Variants in ATXN7L1 observed in about 807,000 individuals in gnomAD.
The protein encoded by ATXN7L1 is ataxin 7 like 1, also known as ataxin-7-like protein 1.
ATXN7L1 carries 15 observed loss-of-function variants against 70.8 expected under a neutral mutation model. That is an observed-to-expected ratio of 0.21 (90% CI 0.14 to 0.33). The LOEUF is 0.33. ATXN7L1 is among the 10% of genes least tolerant of loss of function. The probability of loss-of-function intolerance (pLI) is 1.00; values close to 1 mark genes in which losing one functional copy is unlikely to be tolerated. For missense variants in ATXN7L1, 975 were observed against 1,097.1 expected, an observed-to-expected ratio of 0.89 and a Z score of 1.57; for synonymous variants, 440 against 445.1, an observed-to-expected ratio of 0.99 and a Z score of 0.14.
chr7:105,837,383 C>T (rs1208852006), intron 2 of ATXN7L1, among the ~76,000 whole-genome samples: 1 of 151,744 alleles, frequency 6.6e-6, no homozygotes, highest in African/African-American at 2.4e-5. Context: ...AAACAAGAAA[C>T]CAAACTACCC....
intron 2 of ATXN7L1, among the ~76,000 whole-genome samples, chr7:105,835,766 T>C (rs1812286856): frequency 2.0e-5 from 3 of 152,204 alleles, no homozygotes; most frequent in Non-Finnish European, 4.4e-5. Context: ...TCCCATTTTC[T>C]TAAAGGATAG....
intron 2 of ATXN7L1, among the ~76,000 whole-genome samples, chr7:105,794,050 CTGA>C (rs1805648088): frequency 6.7e-6 from 1 of 149,900 alleles, no homozygotes; most frequent in Non-Finnish European, 1.5e-5. Flanking sequence ...GGTGTACACG[CTGA>C]TATTTTCTGT....
At chr7:105,826,559 G>A (rs562247439) in intron 2 of ATXN7L1, among the ~76,000 whole-genome samples, 1 of 152,262 alleles carries the variant, frequency 6.6e-6, no homozygotes, top group East Asian at 1.9e-4. Flanking sequence ...GGAAAAATGT[G>A]CAATAAGGGA....
At chr7:105,631,588 T>G (rs1796604894) in intron 7 of ATXN7L1, among the ~76,000 whole-genome samples, 1 of 152,224 alleles carries the variant, frequency 6.6e-6, no homozygotes, top group South Asian at 2.1e-4. Context: ...TGCCTCAGCC[T>G]ACTGAGTAGC....
intron 7 of ATXN7L1, among the ~76,000 whole-genome samples, chr7:105,635,822 T>A (rs1797267572): frequency 6.6e-6 from 1 of 150,828 alleles, no homozygotes; most frequent in East Asian, 1.9e-4. Context: ...GGGATGACAA[T>A]AAATTCCATT....
intron 3 of ATXN7L1, among the ~76,000 whole-genome samples, chr7:105,734,284 G>T (rs1287208624): frequency 6.6e-6 from 1 of 152,154 alleles, no homozygotes; most frequent in Non-Finnish European, 1.5e-5. Context: ...GGGATTCTCA[G>T]TCAGTAAATG....
chr7:105,627,973 T>G (rs1219203364), intron 7 of ATXN7L1, among the ~76,000 whole-genome samples: 1 of 149,576 alleles, frequency 6.7e-6, no homozygotes. Context: ...GCCTCCTGAG[T>G]AGCTGGGATT....
At chr7:105,624,397 A>C (rs1795370791) in intron 7 of ATXN7L1, 130 bp from the exon 8 acceptor site, 1 of 936,272 alleles carries the variant, frequency 1.1e-6, no homozygotes, top group East Asian at 3.3e-5. Flanking sequence ...CACGCCTGTA[A>C]TCCCGGCACT....
At chr7:105,655,512 C>T (rs148102104) in intron 4 of ATXN7L1, among the ~76,000 whole-genome samples, 2 of 151,966 alleles carry the variant, frequency 1.3e-5, no homozygotes, top group Admixed American at 1.3e-4. Flanking sequence ...TGCAAGAATC[C>T]TGCTGAGGAA....
At chr7:105,649,563 G>A in intron 4 of ATXN7L1, 1 of 987,820 alleles carries the variant, frequency 1.0e-6, no homozygotes. Flanking sequence ...AGTGATGTCT[G>A]CAAAAGAACA....
intron 3 of ATXN7L1, among the ~76,000 whole-genome samples, chr7:105,701,244 G>A (rs1053726981): frequency 9.2e-5 from 14 of 152,116 alleles, no homozygotes; most frequent in Admixed American, 8.5e-4. Flanking sequence ...TGCTGGAGAT[G>A]CATAAAAATG....
intron 4 of ATXN7L1, among the ~76,000 whole-genome samples, chr7:105,647,504 GGGCGCGGT>G (rs1303262927): frequency 6.6e-6 from 1 of 152,170 alleles, no homozygotes; most frequent in African/African-American, 2.4e-5. Flanking sequence ...AAAATTAGCC[GGGCGCGGT>G]GGCACATGCC....
intron 2 of ATXN7L1, among the ~76,000 whole-genome samples, chr7:105,860,111 A>G (rs988764453): frequency 1.5e-5 from 2 of 134,674 alleles, no homozygotes; most frequent in Non-Finnish European, 3.1e-5. Context: ...ATATATACAG[A>G]TAGATCTTTA....
chr7:105,613,455 A>G, intron 10 of ATXN7L1: 1 of 1,048,754 alleles, frequency 9.5e-7, no homozygotes, highest in Middle Eastern at 4.7e-4. Flanking sequence ...GGGGGTTCCA[A>G]CAGATCAGAT....
intron 3 of ATXN7L1, among the ~76,000 whole-genome samples, chr7:105,759,445 A>G (rs1022868947): frequency 5.9e-5 from 6 of 100,886 alleles, no homozygotes; most frequent in Admixed American, 4.3e-4. Context: ...CAGCTTGGAT[A>G]GTGAGTGTGT....
intron 3 of ATXN7L1, among the ~76,000 whole-genome samples, chr7:105,695,758 T>C (rs1346957138): frequency 6.6e-6 from 1 of 152,208 alleles, no homozygotes; most frequent in African/African-American, 2.4e-5. Flanking sequence ...TTGGACCAAA[T>C]GTAGGTTTCC....
chr7:105,650,947 TATAAGGCTTAG>T (rs1341801587), intron 4 of ATXN7L1, among the ~76,000 whole-genome samples: 1 of 152,350 alleles, frequency 6.6e-6, no homozygotes, highest in Non-Finnish European at 1.5e-5. Flanking sequence ...GAAGATAGTT[TATAAGGCTTAG>T]ATAAGGCTTA....
chr7:105,689,597 T>C (rs976622677), intron 3 of ATXN7L1, among the ~76,000 whole-genome samples: 55 of 152,244 alleles, frequency 3.6e-4, no homozygotes, highest in African/African-American at 1.3e-3. Context: ...CACCTCAAGC[T>C]TGACACCTTA....
chr7:105,649,041 G>A (rs962384497), intron 4 of ATXN7L1, among the ~76,000 whole-genome samples: 1 of 151,068 alleles, frequency 6.6e-6, no homozygotes, highest in Non-Finnish European at 1.5e-5. Flanking sequence ...AGTTACCCCC[G>A]AGCTTAGCCA....
Sources: allele counts gnomAD v4.1 joint callset (sites outside exome capture counted in the v4.1 genomes callset), GRCh38; gene constraint gnomAD v4.1.1; transcripts MANE v1.5; gene names NCBI Gene and HGNC (gene_info 2026-07-23, HGNC 2026-07-21).